ZSWIM6: variants seen among roughly 807,000 people sequenced by gnomAD.
ZSWIM6 encodes zinc finger SWIM-type containing 6.
Under a neutral mutation model 113.2 loss-of-function variants are expected in ZSWIM6, and 9 were observed. The ratio of observed to expected loss-of-function variants is 0.08; its 90% confidence interval spans 0.05 to 0.14. The LOEUF is 0.14. ZSWIM6 is among the 10% of genes least tolerant of loss of function. ZSWIM6 has a pLI of 1.00. For synonymous variants in ZSWIM6, 611 were observed against 606.5 expected (o/e 1.01, Z -0.11); for missense variants, 1,162 against 1,552.2 (o/e 0.75, Z 4.22).
chr5:61,333,690 G>A lies in ZSWIM6; in HGVS notation c.676+742G>A, dbSNP rs574863470. 8.5e-4 allele frequency among the ~76,000 whole-genome samples: 129 copies of A among 152,204 alleles called. 3 individuals are homozygous for A. The highest frequency in any genetic ancestry group is 6.7e-3 in the Admixed American group (102 of 15,304). On this transcript the variant is annotated intron_variant, in intron 1 of 13. Transcript: ENST00000252744. ...GACTCCGTCTCCGGAGGGACATCTC[G>A]CCCGTAGGACGCTTACTAATTAAAG...
chr5:61,406,227 G>A lies in ZSWIM6; in HGVS notation c.677-66454G>A, dbSNP rs138679616. On this transcript the variant is annotated intron_variant, in intron 1 of 13. Transcript: ENST00000252744. ...AGGTCCTGTTCAAAACTGTGGTTCT[G>A]CTCTTTTCAGCAACTGATCATTATT... Among the ~76,000 whole-genome samples, 87 of 152,254 alleles carry A rather than the reference G, an allele frequency of 5.7e-4. 1 individual carries two copies. Among genetic ancestry groups the A allele is most frequent in the Non-Finnish European group, 9.4e-4 (64 of 68,014 alleles).
At chr5:61,495,918 G>A (rs1748302843) in intron 4 of ZSWIM6, among the ~76,000 whole-genome samples, 1 of 150,882 alleles carries the variant, frequency 6.6e-6, no homozygotes, top group South Asian at 2.1e-4. Context: ...TTGGTACTTA[G>A]AGAGACTTAG....
chr5:61,383,407 A>AGGG (rs1292983403), intron 1 of ZSWIM6, among the ~76,000 whole-genome samples: 3 of 152,216 alleles, frequency 2.0e-5, no homozygotes, highest in Non-Finnish European at 4.4e-5. Context: ...CTTTACCTCC[A>AGGG]GCAGCTGGCG....
chr5:61,523,807 C>T (rs1223318936), intron 5 of ZSWIM6, among the ~76,000 whole-genome samples: 2 of 152,154 alleles, frequency 1.3e-5, no homozygotes, highest in African/African-American at 4.8e-5. Flanking sequence ...TATTTAGCCT[C>T]TTTTGTTGTC....
intron 1 of ZSWIM6, among the ~76,000 whole-genome samples, chr5:61,427,188 C>T (rs1746479775): frequency 6.6e-6 from 1 of 152,122 alleles, no homozygotes; most frequent in Admixed American, 6.5e-5. Context: ...TTTATATATA[C>T]AGTCATCAGT....
rs1230491226 is a variant in ZSWIM6 at position 61,395,254 on chromosome 5, G to C, written c.676+62306G>C. ...CAGTGCTAAGACAACTTATCTAGGT[G>C]GTCCAACTTGGTGAAGGTATAAAAG... is the stretch of plus-strand genomic sequence containing the variant. On this transcript the variant is annotated intron_variant, in intron 1 of 13. Coordinates refer to ENST00000252744, the MANE Select transcript of ZSWIM6 (RefSeq NM_020928.2). 2.0e-5 allele frequency among the ~76,000 whole-genome samples: 3 copies of C among 152,052 alleles called. No homozygotes were observed. The East Asian group carries it at 5.8e-4, about 29-fold the overall frequency.
chr5:61,339,006 A>T (rs1744468562), intron 1 of ZSWIM6, among the ~76,000 whole-genome samples: 1 of 152,130 alleles, frequency 6.6e-6, no homozygotes, highest in African/African-American at 2.4e-5. Context: ...TTTTTCCACA[A>T]AAATGGATAA....
chr5:61,451,123 G>A (rs1423222756), intron 1 of ZSWIM6, among the ~76,000 whole-genome samples: 1 of 152,072 alleles, frequency 6.6e-6, no homozygotes, highest in Non-Finnish European at 1.5e-5. Context: ...GCTTACAACT[G>A]CACAGAAGAG....
At position 61,407,062 on chromosome 5, in the gene ZSWIM6, A is replaced by T. The variant is rs374672096; in HGVS notation, c.677-65619A>T. On this transcript the variant is annotated intron_variant, in intron 1 of 13. Coordinates refer to ENST00000252744, the MANE Select transcript of ZSWIM6 (RefSeq NM_020928.2). The stretch of plus-strand genomic sequence containing the variant: ...AGTTTCATTTAAAAATAACAAACAC[A>T]GTTCCCCAAATCTGAAATTTAGTTA... Among the ~76,000 whole-genome samples, 9 of 152,356 alleles carry T rather than the reference A, an allele frequency of 5.9e-5. No homozygotes were observed. The South Asian group carries it at 1.9e-3, about 32-fold the overall frequency.
At chr5:61,397,353 C>T (rs1745858234) in intron 1 of ZSWIM6, among the ~76,000 whole-genome samples, 1 of 152,182 alleles carries the variant, frequency 6.6e-6, no homozygotes, top group African/African-American at 2.4e-5. Context: ...ATCAGATTCA[C>T]CTTGAGTGTT....
At chr5:61,437,391 C>G (rs1209558103) in intron 1 of ZSWIM6, among the ~76,000 whole-genome samples, 1 of 152,128 alleles carries the variant, frequency 6.6e-6, no homozygotes, top group South Asian at 2.1e-4. Context: ...ATCTACATCA[C>G]ATCAGCAAGC....
chr5:61,512,323 T>C (rs769006054), intron 4 of ZSWIM6, among the ~76,000 whole-genome samples: 2 of 152,192 alleles, frequency 1.3e-5, no homozygotes, highest in Non-Finnish European at 2.9e-5. Flanking sequence ...CTGAGTGGTA[T>C]CCTCTGTATG....
intron 1 of ZSWIM6, among the ~76,000 whole-genome samples, chr5:61,381,290 C>T (rs115173457): frequency 0.011 from 1,734 of 152,236 alleles, 25 homozygotes; most frequent in African/African-American, 0.039. Flanking sequence ...AAAAATTAGC[C>T]AGGTGTGGTG....
Position 61,332,439 on chromosome 5 carries a change from C to G in ZSWIM6, c.167C>G (p.Ala56Gly). Reference sequence around the variant, plus strand: ...GCGGGTGGCGCGGCGGCGGCGGCGGCGTGCGGGGGCGGCGCGGCGCTGGGG... The same window carrying G: ...GCGGGTGGCGCGGCGGCGGCGGCGGGGTGCGGGGGCGGCGCGGCGCTGGGG... Reference protein sequence around the residue: ...PRAGGAAAAAACGGGAALGLL... With the variant: ...PRAGGAAAAAGCGGGAALGLL... The change falls in exon 1 of 14, where the codon GCG (alanine) becomes GGG (glycine). Residue 56 changes from alanine to glycine, a missense_variant. This residue lies in a region of ZSWIM6 where 333 missense variants were observed against 293.4 expected (regional missense o/e 1.13). Coordinates refer to ENST00000252744, the MANE Select transcript of ZSWIM6 (RefSeq NM_020928.2). The G allele has an allele frequency of 9.9e-7, 1 of 1,014,286 alleles. No homozygotes were observed. Among genetic ancestry groups the G allele is most frequent in the Non-Finnish European group, 1.2e-6 (1 of 851,728 alleles). The allele number at this position is 1,014,286 out of a possible 1,614,324, so 62.8% of individuals were successfully genotyped here.
rs913733220 is a variant in ZSWIM6 at position 61,332,267 on chromosome 5, G to A, written c.-6G>A. On this transcript the variant is annotated 5_prime_UTR_variant, in exon 1 of 14. Coordinates refer to ENST00000252744, the MANE Select transcript of ZSWIM6 (RefSeq NM_020928.2). Reference sequence around the variant, plus strand: ...CTTCCGCTGTCGGGTTAGAAGCGGCGCGGTCATGGCGGAGCGCGGACAGCA... The same window carrying A: ...CTTCCGCTGTCGGGTTAGAAGCGGCACGGTCATGGCGGAGCGCGGACAGCA... The A allele has an allele frequency of 2.6e-5, 30 of 1,166,400 alleles. No individual in the cohort carries two copies. The African/African-American group carries it at 4.7e-4, about 18-fold the overall frequency. The allele number at this position is 1,166,400 out of a possible 1,614,324, so 72.3% of individuals were successfully genotyped here. A position where few individuals can be genotyped will look rare whatever the true frequency, so the allele number is the denominator to read the frequency against.
rs577457598 is a variant in ZSWIM6 at position 61,518,974 on chromosome 5, A to G, written c.1334-2289A>G. Among the ~76,000 whole-genome samples, 3 of 152,076 alleles carry G rather than the reference A, an allele frequency of 2.0e-5. No individual in the cohort carries two copies. In the East Asian group the frequency reaches 5.8e-4, roughly 29 times the overall value. On this transcript the variant is annotated intron_variant, in intron 4 of 13. Transcript: ENST00000252744. ...TTGAATTGATTTTTGTATAAGGTGTAAGGAAGGGATCCAGTTTCAGCTTTC... is the reference window on the plus strand; with the variant it reads ...TTGAATTGATTTTTGTATAAGGTGTGAGGAAGGGATCCAGTTTCAGCTTTC...
chr5:61,398,462 C>T (rs1186530156), intron 1 of ZSWIM6, among the ~76,000 whole-genome samples: 3 of 152,076 alleles, frequency 2.0e-5, no homozygotes, highest in Non-Finnish European at 4.4e-5. Flanking sequence ...TGGGGACTGC[C>T]GCCTTTATAG....
intron 1 of ZSWIM6, among the ~76,000 whole-genome samples, chr5:61,380,250 A>G (rs1241798203): frequency 6.6e-6 from 1 of 151,824 alleles, no homozygotes; most frequent in Non-Finnish European, 1.5e-5. Context: ...TAATTTTTGT[A>G]TTTTTAGTAG....
At chr5:61,358,714 A>G (rs1744971088) in intron 1 of ZSWIM6, among the ~76,000 whole-genome samples, 1 of 152,246 alleles carries the variant, frequency 6.6e-6, no homozygotes, top group South Asian at 2.1e-4. Flanking sequence ...AAATTTGGAA[A>G]TGGAGAAGGA....
Sources: allele counts gnomAD v4.1 joint callset (sites outside exome capture counted in the v4.1 genomes callset), GRCh38; gene constraint gnomAD v4.1.1; regional missense constraint gnomAD v4.1.1; transcripts MANE v1.5; gene names NCBI Gene and HGNC (gene_info 2026-07-23, HGNC 2026-07-21).